Variants in LRRK2 observed in about 807,000 individuals in gnomAD.
LRRK2 encodes the protein leucine-rich repeat serine/threonine-protein kinase 2.
A neutral mutation model predicts 302.6 loss-of-function variants in LRRK2; 203 were observed. That is an observed-to-expected ratio of 0.67 (90% CI 0.60 to 0.75). LRRK2 has a LOEUF of 0.75. LRRK2 is among the 30% of genes least tolerant of loss of function. LRRK2 has a pLI of 0.00. For missense variants in LRRK2, 2,830 were observed against 2,951.0 expected, an observed-to-expected ratio of 0.96 and a Z score of 0.95; for synonymous variants, 1,066 against 1,031.9, an observed-to-expected ratio of 1.03 and a Z score of -0.63.
rs576586274 is a variant in LRRK2 at position 40,260,157 on chromosome 12, C to G, written c.1543+553C>G. ...CACCTATGTCTGTATTCATCCAACA[C>G]ATTTATTAAGTGCTTCTTATGTTCT... On this transcript the variant is annotated intron_variant, in intron 13 of 50. Coordinates refer to ENST00000298910, the MANE Select transcript of LRRK2 (RefSeq NM_198578.4). Among the ~76,000 whole-genome samples, 4 of 152,114 alleles carry G rather than the reference C, an allele frequency of 2.6e-5. No individual in the cohort carries two copies. The South Asian group carries it at 6.2e-4, about 24-fold the overall frequency.
intron 31 of LRRK2, among the ~76,000 whole-genome samples, chr12:40,313,716 C>T (rs17491180): frequency 6.6e-6 from 1 of 151,296 alleles, no homozygotes; most frequent in Admixed American, 6.6e-5. Context: ...TTCTGGATAG[C>T]GAGATAAATA....
intron 16 of LRRK2, 86 bp from the exon 17 acceptor site, chr12:40,277,802 T>A: frequency 7.9e-7 from 1 of 1,260,410 alleles, no homozygotes; most frequent in Non-Finnish European, 1.1e-6. Context: ...AGGTATTGTT[T>A]CATATACAAA....
chr12:40,357,550 A>T (rs765332252), intron 46 of LRRK2, among the ~76,000 whole-genome samples: 5 of 152,184 alleles, frequency 3.3e-5, no homozygotes, highest in Non-Finnish European at 7.3e-5. Flanking sequence ...AGCAATTTAC[A>T]TACACACCAA....
chr12:40,312,159 A>C (rs909918431), intron 31 of LRRK2, among the ~76,000 whole-genome samples: 1 of 152,170 alleles, frequency 6.6e-6, no homozygotes, highest in Non-Finnish European at 1.5e-5. Context: ...ATTAAGCTGT[A>C]TTAATACTGC....
intron 11 of LRRK2, among the ~76,000 whole-genome samples, chr12:40,254,920 A>G (rs1942435645): frequency 6.6e-6 from 1 of 152,274 alleles, no homozygotes; most frequent in Middle Eastern, 3.4e-3. Flanking sequence ...GCAATTTCTC[A>G]TTGAAAGACA....
chr12:40,278,226 A>G lies in LRRK2; in HGVS notation c.2206A>G (p.Asn736Asp). ...CTTGCTTCTATTGGGAGCAGATGCC[A>G]ATCAAGCAAAGGAGGGATCTTCTTT... ...ECLLLLGADA[N>D]QAKEGSSLIC... Residue 736 changes from asparagine (N) to aspartate (D), a missense_variant, in exon 18 of 51, where the codon AAT becomes GAT. Asn to Asp is a conservative substitution (Grantham distance 23). Coordinates refer to ENST00000298910, the MANE Select transcript of LRRK2 (RefSeq NM_198578.4). 1 of 1,614,180 alleles carries G rather than the reference A, an allele frequency of 6.2e-7. No individual in the cohort carries two copies. The highest frequency in any genetic ancestry group is 8.5e-7 in the Non-Finnish European group (1 of 1,180,002).
chr12:40,290,855 A>G (rs1227152156), intron 20 of LRRK2, among the ~76,000 whole-genome samples: 2 of 151,118 alleles, frequency 1.3e-5, no homozygotes, highest in Non-Finnish European at 3.0e-5. Context: ...ATTTTAATTG[A>G]CTCTTTTTAT....
intron 37 of LRRK2, 60 bp downstream of exon 37, chr12:40,322,570 CTT>C: frequency 1.4e-6 from 2 of 1,439,678 alleles, no homozygotes; most frequent in Non-Finnish European, 1.9e-6. Context: ...TATGAAGTGA[CTT>C]TTAATAAATG....
In LRRK2 at chr12:40,356,145, C is replaced by A; in HGVS notation, c.6801C>A (p.Thr2267=). 2 of 1,612,274 alleles carry A rather than the reference C, an allele frequency of 1.2e-6. No individual in the cohort carries two copies. Among genetic ancestry groups the A allele is most frequent in the Non-Finnish European group, 1.7e-6 (2 of 1,179,216 alleles). The change falls in exon 46 of 51, where the codon ACC becomes ACA. Residue 2267 remains threonine, a synonymous_variant. Transcript: ENST00000298910. ...SKQKNFLLVG[T]ADGKLAIFED... Reference sequence around the variant, plus strand: ...AAAAAAATTTTCTTTTGGTTGGAACCGCTGATGGCAAGTTAGCAATTTTTG... The same window carrying A: ...AAAAAAATTTTCTTTTGGTTGGAACAGCTGATGGCAAGTTAGCAATTTTTG...
chr12:40,270,319 C>CT (rs1333609115), intron 14 of LRRK2, among the ~76,000 whole-genome samples: 1 of 152,048 alleles, frequency 6.6e-6, no homozygotes, highest in Non-Finnish European at 1.5e-5. Context: ...ATTCAGCTTT[C>CT]TAATTATGCT....
rs1443998138 is a variant in LRRK2, at chr12:40,368,517, C to G, written c.*752C>G. 6.6e-6 allele frequency: 1 copy of G among 151,496 alleles called. No individual in the cohort carries two copies. The highest frequency in any genetic ancestry group is 1.9e-4 in the East Asian group (1 of 5,242). 9.4% of individuals were successfully genotyped at this position (151,496 alleles called of 1,614,324 possible). Reference sequence around the variant, plus strand: ...CAACTCTATGTTTGAATGTGGATACCCTGAATTTTGTATAATTAGTGTAAA... The same window carrying G: ...CAACTCTATGTTTGAATGTGGATACGCTGAATTTTGTATAATTAGTGTAAA... On this transcript the variant is annotated 3_prime_UTR_variant, in exon 51 of 51. Transcript: ENST00000298910.
intron 18 of LRRK2, among the ~76,000 whole-genome samples, chr12:40,283,200 G>A (rs1943779142): frequency 6.6e-6 from 1 of 152,122 alleles, no homozygotes; most frequent in African/African-American, 2.4e-5. Context: ...AGCATGCAGT[G>A]CCACAGCTTG....
At chr12:40,309,584 A>T (rs962883841) in intron 30 of LRRK2, among the ~76,000 whole-genome samples, 1 of 152,174 alleles carries the variant, frequency 6.6e-6, no homozygotes, top group Non-Finnish European at 1.5e-5. Context: ...CAATCTATAT[A>T]TATATATCTC....
At chr12:40,263,763 C>A (rs771993907) in intron 13 of LRRK2, 26 bp from the exon 14 acceptor site, 45 of 1,507,294 alleles carry the variant, frequency 3.0e-5, no homozygotes, top group Admixed American at 1.9e-4. Context: ...AAAATTCTTT[C>A]TTTATTTATT....
intron 25 of LRRK2, among the ~76,000 whole-genome samples, chr12:40,299,999 C>A (rs11175934): frequency 6.6e-6 from 1 of 152,058 alleles, no homozygotes. Flanking sequence ...GTGTAGTACC[C>A]TGTGGTTCCC....
chr12:40,252,204 C>T (rs1272101204), intron 10 of LRRK2, among the ~76,000 whole-genome samples: 3 of 152,138 alleles, frequency 2.0e-5, no homozygotes, highest in Non-Finnish European at 4.4e-5. Context: ...TGGGTATCCT[C>T]TGGGTTTTAA....
In LRRK2 at chr12:40,347,025, CAT is replaced by C. The variant is rs1491532296; in HGVS notation, c.6280+103_6280+104del. On this transcript the variant is annotated intron_variant, in intron 42 of 50. Coordinates refer to ENST00000298910, the MANE Select transcript of LRRK2 (RefSeq NM_198578.4). ...ATGCTTAATTCCTTAAACAGATGAT[CAT>C]TTTTTTTGTTTAGTGCATAAATATT... 2.5e-5 allele frequency: 22 copies of C among 877,448 alleles called. No homozygotes were observed. The East Asian group carries it at 6.2e-4, about 25-fold the overall frequency. The allele number at this position is 877,448 out of a possible 1,614,324, so 54.4% of individuals were successfully genotyped here. A position where few individuals can be genotyped will look rare whatever the true frequency, so the allele number is the denominator to read the frequency against.
intron 47 of LRRK2, among the ~76,000 whole-genome samples, chr12:40,363,088 A>G (rs1414398353): frequency 2.6e-5 from 4 of 152,092 alleles, no homozygotes; most frequent in African/African-American, 9.6e-5. Context: ...AAATTTAGAT[A>G]TAGTACAAAA....
chr12:40,295,263 T>C (rs945574524), intron 22 of LRRK2, among the ~76,000 whole-genome samples, 164 bp from the exon 23 acceptor site: 3 of 152,140 alleles, frequency 2.0e-5, no homozygotes, highest in Non-Finnish European at 4.4e-5. Flanking sequence ...TTTTATTTAC[T>C]GTTCATCTCT....
Sources: gnomAD v4.1 joint callset for allele counts (sites outside exome capture counted in the v4.1 genomes callset) on GRCh38, gnomAD v4.1.1 for gene constraint, MANE v1.5 for transcripts, NCBI Gene and HGNC (gene_info 2026-07-23, HGNC 2026-07-21) for gene names.